BTC: variants seen among roughly 807,000 people sequenced by gnomAD.
The protein encoded by BTC is probetacellulin.
A neutral mutation model predicts 18.1 loss-of-function variants in BTC; 13 were observed. That is an observed-to-expected ratio of 0.72 (90% CI 0.47 to 1.14). BTC has a LOEUF of 1.14. Among genes scored for constraint, BTC ranks in the 50% most tolerant of loss-of-function variants. The pLI is 0.00. For missense variants in BTC, 247 were observed against 224.2 expected (o/e 1.10, Z -0.65); for synonymous variants, 83 against 79.4 (o/e 1.05, Z -0.24).
At chr4:74,768,235 T>C (rs1724951562) in intron 2 of BTC, among the ~76,000 whole-genome samples, 1 of 152,004 alleles carries the variant, frequency 6.6e-6, no homozygotes, top group African/African-American at 2.4e-5. Flanking sequence ...CATAAAGAAC[T>C]CTCACAATTC....
intron 3 of BTC, among the ~76,000 whole-genome samples, chr4:74,755,084 C>A (rs769116130): frequency 9.2e-5 from 14 of 151,964 alleles, no homozygotes; most frequent in African/African-American, 3.1e-4. Context: ...AAGTTCATGA[C>A]CCTTAAAGTT....
intron 4 of BTC, among the ~76,000 whole-genome samples, chr4:74,749,604 A>G (rs1420472525): frequency 2.6e-5 from 4 of 151,432 alleles, no homozygotes; most frequent in African/African-American, 9.7e-5. Context: ...TGTGGACCAC[A>G]GTGAAGGGTA....
At chr4:74,754,426 A>C (rs1373534220) in intron 3 of BTC, among the ~76,000 whole-genome samples, 1 of 152,206 alleles carries the variant, frequency 6.6e-6, no homozygotes, top group African/African-American at 2.4e-5. Flanking sequence ...AAGAGCTTTC[A>C]TAGAGGTGTG....
At chr4:74,756,984 C>T (rs920195241) in intron 2 of BTC, among the ~76,000 whole-genome samples, 5 of 152,188 alleles carry the variant, frequency 3.3e-5, no homozygotes, top group Non-Finnish European at 5.9e-5. Context: ...ACATAATGCC[C>T]ACACCCACAG....
At chr4:74,749,691 G>GT (rs1724402841) in intron 4 of BTC, among the ~76,000 whole-genome samples, 6 of 79,018 alleles carry the variant, frequency 7.6e-5, no homozygotes, top group South Asian at 4.5e-4. Flanking sequence ...TTTTTTTGTT[G>GT]TTGTTGTTGT....
intron 1 of BTC, among the ~76,000 whole-genome samples, chr4:74,772,216 A>C (rs1197737714): frequency 6.6e-6 from 1 of 152,162 alleles, no homozygotes; most frequent in Non-Finnish European, 1.5e-5. Context: ...GTACTTTCTA[A>C]TATTTCTAAA....
At chr4:74,780,654 C>T (rs536811596) in intron 1 of BTC, among the ~76,000 whole-genome samples, 14 of 152,172 alleles carry the variant, frequency 9.2e-5, no homozygotes, top group African/African-American at 1.4e-4. Flanking sequence ...GATATCAGTC[C>T]GTCATCCTTA....
chr4:74,760,624 A>G (rs1339537332), intron 2 of BTC, among the ~76,000 whole-genome samples: 2 of 152,258 alleles, frequency 1.3e-5, no homozygotes, highest in African/African-American at 2.4e-5. Context: ...TCCTACAGAA[A>G]AGTGAAAGGG....
rs1442149525 is a variant in BTC at position 74,794,372 on chromosome 4, C to T, written c.-47G>A. On this transcript the variant is annotated 5_prime_UTR_variant, in exon 1 of 6. Transcript: ENST00000395743. ...GGCAGCCCCTAGACAAGTCTCCCTC[C>T]TTCTTCGCCCCCTTCCCGGGCCTCG... 1.4e-6 allele frequency: 2 copies of T among 1,477,276 alleles called. No individual in the cohort carries two copies. Among genetic ancestry groups the T allele is most frequent in the East Asian group, 5.3e-5 (2 of 38,054 alleles). 91.5% of individuals were successfully genotyped at this position (1,477,276 alleles called of 1,614,324 possible).
Position 74,744,804 on chromosome 4 carries a change from G to A in BTC, c.*1873C>T, listed in dbSNP as rs146348741. On this transcript the variant is annotated 3_prime_UTR_variant, in exon 6 of 6. Transcript: ENST00000395743. ...ATTTTATTACATGATAATATTGACA[G>A]TTTACATAAACAAAGTTATTTAGTG... 4 of 152,206 alleles carry A rather than the reference G, an allele frequency of 2.6e-5. No homozygotes were observed. Among genetic ancestry groups the A allele is most frequent in the African/African-American group, 9.6e-5 (4 of 41,524 alleles). 9.4% of individuals were successfully genotyped at this position (152,206 alleles called of 1,614,324 possible).
At chr4:74,771,923 G>C (rs1173180071) in intron 1 of BTC, among the ~76,000 whole-genome samples, 1 of 152,190 alleles carries the variant, frequency 6.6e-6, no homozygotes, top group Non-Finnish European at 1.5e-5. Context: ...ACTGACAACA[G>C]AGGATTAAGT....
intron 4 of BTC, among the ~76,000 whole-genome samples, chr4:74,750,028 T>G (rs1553955985): frequency 6.6e-6 from 1 of 151,600 alleles, no homozygotes; most frequent in Non-Finnish European, 1.5e-5. Context: ...GCCAGGAATT[T>G]GAGGCTGCAG....
chr4:74,755,257 G>T (rs1036877966), intron 3 of BTC, among the ~76,000 whole-genome samples: 2 of 152,172 alleles, frequency 1.3e-5, no homozygotes, highest in African/African-American at 4.8e-5. Context: ...GTCCCAGGAA[G>T]CACATTAGTG....
intron 1 of BTC, among the ~76,000 whole-genome samples, chr4:74,772,238 T>A (rs1725062026): frequency 6.6e-6 from 1 of 152,214 alleles, no homozygotes; most frequent in Non-Finnish European, 1.5e-5. Flanking sequence ...GCACATTTTA[T>A]CTGTTGCAAC....
intron 2 of BTC, among the ~76,000 whole-genome samples, chr4:74,766,694 C>A (rs193091072): frequency 1.7e-3 from 256 of 152,128 alleles, no homozygotes; most frequent in African/African-American, 6.0e-3. Context: ...ATACGTAATT[C>A]CAATCCTTCT....
At chr4:74,756,058 C>T (rs1553956689) in intron 2 of BTC, 82 bp from the exon 3 acceptor site, 2 of 1,222,984 alleles carry the variant, frequency 1.6e-6, no homozygotes, top group Non-Finnish European at 2.4e-6. Flanking sequence ...ATCTTGCTGC[C>T]AGTTTCTCTG....
chr4:74,755,826 C>A, intron 3 of BTC, 33 bp downstream of exon 3: 1 of 1,599,476 alleles, frequency 6.3e-7, no homozygotes, highest in South Asian at 1.1e-5. Context: ...ATTCTGCACC[C>A]TTTTGCTTGC....
At chr4:74,771,298 A>G (rs1438935692) in intron 1 of BTC, among the ~76,000 whole-genome samples, 1 of 152,192 alleles carries the variant, frequency 6.6e-6, no homozygotes, top group Non-Finnish European at 1.5e-5. Context: ...GTAGGTAATC[A>G]ATGTGCAATA....
intron 4 of BTC, among the ~76,000 whole-genome samples, chr4:74,749,383 C>T (rs879961665): frequency 4.0e-5 from 6 of 151,862 alleles, no homozygotes; most frequent in Admixed American, 3.9e-4. Flanking sequence ...TGCTTGAACC[C>T]AGGAGGCAGA....
Sources: gnomAD v4.1 joint callset for allele counts (sites outside exome capture counted in the v4.1 genomes callset) on GRCh38, gnomAD v4.1.1 for gene constraint, MANE v1.5 for transcripts, NCBI Gene and HGNC (gene_info 2026-07-23, HGNC 2026-07-21) for gene names.